TRAPPC9: variants seen among roughly 807,000 people sequenced by gnomAD.
TRAPPC9 encodes the protein IKK2 binding protein.
Under a neutral mutation model 124.0 loss-of-function variants are expected in TRAPPC9, and 83 were observed. That is an observed-to-expected ratio of 0.67 (90% CI 0.56 to 0.80). TRAPPC9 has a LOEUF of 0.80. Ranked by LOEUF, TRAPPC9 falls within the 30% of genes least tolerant of loss-of-function variation. The probability of loss-of-function intolerance (pLI) is 0.00; values close to 1 mark genes in which losing one functional copy is unlikely to be tolerated. For synonymous variants in TRAPPC9, 638 were observed against 617.5 expected, an observed-to-expected ratio of 1.03 and a Z score of -0.49; for missense variants, 1,302 against 1,508.3, an observed-to-expected ratio of 0.86 and a Z score of 2.27.
chr8:140,061,913 G>A lies in TRAPPC9; in HGVS notation c.2557-37834C>T, dbSNP rs545241209. 2.8e-3 allele frequency among the ~76,000 whole-genome samples: 431 copies of A among 152,248 alleles called. 4 individuals carry two copies. The highest frequency in any genetic ancestry group is 0.018 in the South Asian group (89 of 4,826). On this transcript the variant is annotated intron_variant, in intron 17 of 22. Coordinates refer to ENST00000438773, the MANE Select transcript of TRAPPC9 (RefSeq NM_001160372.4). ...GACCAGGCCCACTCCAACATTACAG[G>A]GAGCAGGGTGAGAATACAAACAGGG...
intron 17 of TRAPPC9, among the ~76,000 whole-genome samples, chr8:140,148,107 C>T (rs6983913): frequency 0.075 from 11,346 of 152,254 alleles, 876 homozygotes; most frequent in African/African-American, 0.2. Context: ...GTCACGCACA[C>T]GGGAAGCCCC....
intron 17 of TRAPPC9, among the ~76,000 whole-genome samples, chr8:140,118,502 C>T (rs552996539): frequency 5.3e-5 from 8 of 152,222 alleles, no homozygotes; most frequent in Non-Finnish European, 1.2e-4. Flanking sequence ...TCTTTGGGAA[C>T]TGTCATCTGT....
chr8:139,842,478 G>C (rs915696389), intron 21 of TRAPPC9, among the ~76,000 whole-genome samples: 10 of 152,246 alleles, frequency 6.6e-5, no homozygotes, highest in African/African-American at 1.4e-4. Flanking sequence ...TACTGGCTTC[G>C]ATCGCACAGA....
chr8:140,386,759 T>C (rs1217302043), intron 7 of TRAPPC9, among the ~76,000 whole-genome samples: 1 of 152,152 alleles, frequency 6.6e-6, no homozygotes, highest in African/African-American at 2.4e-5. Context: ...ATTTATAGAT[T>C]CAATGCCATC....
intron 19 of TRAPPC9, among the ~76,000 whole-genome samples, chr8:139,972,661 A>G (rs1010297578): frequency 3.9e-5 from 6 of 152,084 alleles, no homozygotes; most frequent in Non-Finnish European, 7.4e-5. Flanking sequence ...GAGCAACACA[A>G]ATCACAGGTG....
intron 17 of TRAPPC9, among the ~76,000 whole-genome samples, chr8:140,083,583 G>A (rs553277111): frequency 1.1e-4 from 17 of 152,206 alleles, no homozygotes; most frequent in Admixed American, 7.2e-4. Context: ...ACCTAACCTC[G>A]CTGCCCTTCC....
intron 21 of TRAPPC9, among the ~76,000 whole-genome samples, chr8:139,814,244 C>T (rs372294986): frequency 1.6e-4 from 25 of 152,308 alleles, no homozygotes; most frequent in African/African-American, 3.1e-4. Context: ...CTGGGAGAGG[C>T]GGCAGAACAG....
At chr8:139,817,098 C>A (rs968594687) in intron 21 of TRAPPC9, among the ~76,000 whole-genome samples, 1 of 107,038 alleles carries the variant, frequency 9.3e-6, no homozygotes, top group African/African-American at 4.3e-5. Context: ...GCTTTCTGAG[C>A]ACCCCCAGGG....
chr8:140,141,351 G>A (rs965489264), intron 17 of TRAPPC9, among the ~76,000 whole-genome samples: 1 of 152,092 alleles, frequency 6.6e-6, no homozygotes, highest in African/African-American at 2.4e-5. Context: ...CTTATCTGGC[G>A]CATCCACACT....
rs570020672 is a variant in TRAPPC9 at position 140,278,228 on chromosome 8, C to T, written c.2115-2407G>A. ...AAGCGATTCTCCTGCCTCAGCCTCC[C>T]GAGTAGCTGGGATTACAGGCTCATG... On this transcript the variant is annotated intron_variant, in intron 14 of 22. Transcript: ENST00000438773. Among the ~76,000 whole-genome samples, 139 of 152,280 alleles carry T rather than the reference C, an allele frequency of 9.1e-4. 1 individual carries two copies. Among genetic ancestry groups the T allele is most frequent in the African/African-American group, 3.1e-3 (130 of 41,574 alleles).
chr8:140,376,241 A>G (rs552766768), intron 7 of TRAPPC9, among the ~76,000 whole-genome samples: 10 of 152,320 alleles, frequency 6.6e-5, no homozygotes, highest in Admixed American at 2.6e-4. Context: ...GAAGTAGTAG[A>G]GGAGATAGGT....
chr8:140,222,697 T>C (rs1161113354), intron 16 of TRAPPC9, among the ~76,000 whole-genome samples: 1 of 152,218 alleles, frequency 6.6e-6, no homozygotes, highest in Non-Finnish European at 1.5e-5. Flanking sequence ...CAGTTTTATA[T>C]ATTCTCAAGA....
chr8:139,863,392 G>A (rs1445900177), intron 21 of TRAPPC9, among the ~76,000 whole-genome samples: 2 of 152,220 alleles, frequency 1.3e-5, no homozygotes, highest in Non-Finnish European at 2.9e-5. Flanking sequence ...GAAGGGGTGC[G>A]CCTGGCCCCT....
chr8:140,240,395 A>AC (rs771299726), intron 16 of TRAPPC9, among the ~76,000 whole-genome samples: 14 of 151,088 alleles, frequency 9.3e-5, no homozygotes, highest in African/African-American at 2.2e-4. Context: ...GAGAATTCTG[A>AC]CCCCCCCAGG....
chr8:140,157,116 G>A (rs34137146), intron 17 of TRAPPC9, among the ~76,000 whole-genome samples: 1,170 of 59,660 alleles, frequency 0.02, 36 homozygotes, highest in Admixed American at 0.028. Flanking sequence ...TTTCCATTCA[G>A]AAGCCTCCCT....
intron 16 of TRAPPC9, among the ~76,000 whole-genome samples, chr8:140,250,920 C>T (rs1229788081): frequency 6.6e-6 from 1 of 152,170 alleles, no homozygotes; most frequent in Non-Finnish European, 1.5e-5. Context: ...TCCCAGGCTA[C>T]AAGTCCCAAA....
rs1818274079 is a variant in TRAPPC9 at position 139,737,476 on chromosome 8, C to CCG, written c.3056-5275_3056-5274insCG. On this transcript the variant is annotated intron_variant, in intron 21 of 22. Transcript: ENST00000438773. ...GGGGGTCATCAGCCCTCCCCCCCCC[C>CCG]CCACGGAAAACCCTGAGTCTGGTGT... Among the ~76,000 whole-genome samples the CCG allele has an allele frequency of 1.5e-5, 2 of 129,764 alleles. 1 individual carries two copies. Among genetic ancestry groups the CCG allele is most frequent in the Admixed American group, 1.5e-4 (2 of 13,736 alleles). The allele number at this position is 129,764 out of a possible 152,430, so 85.1% of individuals were successfully genotyped here. A position where few individuals can be genotyped will look rare whatever the true frequency, so the allele number is the denominator to read the frequency against.
At chr8:140,203,969 G>A (rs925593900) in intron 17 of TRAPPC9, among the ~76,000 whole-genome samples, 1 of 152,216 alleles carries the variant, frequency 6.6e-6, no homozygotes, top group African/African-American at 2.4e-5. Context: ...GGCCAGTGCT[G>A]TCAAACTTGG....
At chr8:139,983,093 A>G (rs1277046262) in intron 19 of TRAPPC9, among the ~76,000 whole-genome samples, 4 of 152,226 alleles carry the variant, frequency 2.6e-5, no homozygotes. Context: ...TGGAATCCAC[A>G]TGACTAGGAT....
Sources: gnomAD v4.1 joint callset for allele counts (sites outside exome capture counted in the v4.1 genomes callset) on GRCh38, gnomAD v4.1.1 for gene constraint, MANE v1.5 for transcripts, NCBI Gene and HGNC (gene_info 2026-07-23, HGNC 2026-07-21) for gene names.